Variants in ARHGEF1 observed in about 807,000 individuals in gnomAD.
ARHGEF1 encodes Rho guanine nucleotide exchange factor 1.
In ARHGEF1, 40 loss-of-function variants were observed where a neutral mutation model predicts 119.7. The ratio of observed to expected loss-of-function variants is 0.33; its 90% confidence interval spans 0.26 to 0.44. The LOEUF (loss-of-function observed/expected upper bound fraction) is 0.44, where lower values mean the gene tolerates loss of function less well. Ranked by LOEUF, ARHGEF1 falls within the 20% of genes least tolerant of loss-of-function variation. The probability of loss-of-function intolerance (pLI) is 1.00; values close to 1 mark genes in which losing one functional copy is unlikely to be tolerated. For synonymous variants in ARHGEF1, 494 were observed against 521.0 expected (o/e 0.95, Z 0.71); for missense variants, 976 against 1,268.3 (o/e 0.77, Z 3.50).
Position 41,889,546 on chromosome 19 carries a change from A to G in ARHGEF1, c.225+681A>G, listed in dbSNP as rs1178815030. The G allele has an allele frequency of 1.3e-5, 2 of 152,312 alleles. No individual in the cohort carries two copies. Among genetic ancestry groups the G allele is most frequent in the African/African-American group, 4.8e-5 (2 of 41,450 alleles). 9.4% of individuals were successfully genotyped at this position (152,312 alleles called of 1,614,324 possible). ...CAGTGCTGGCTGGCAGGGGATCTGTAGACAAGGGTCTCATCCCAAGAAGAC... is the reference window on the plus strand; with the variant it reads ...CAGTGCTGGCTGGCAGGGGATCTGTGGACAAGGGTCTCATCCCAAGAAGAC... On this transcript the variant is annotated intron_variant, in intron 4 of 28. Transcript: ENST00000354532. The surrounding 1 kb of genome is among the most constrained non-coding windows in gnomAD (Gnocchi z 4.0).
At position 41,906,457 on chromosome 19, in the gene ARHGEF1, T is replaced by C. The variant is rs1202819864; in HGVS notation, c.2492T>C (p.Val831Ala). Reference sequence around the variant, plus strand: ...TCCACCCCTCCTTGCCCCTGGCCAGTGCTGTCCCTGAAGCAGCTTCTGTTT... The same window carrying C: ...TCCACCCCTCCTTGCCCCTGGCCAGCGCTGTCCCTGAAGCAGCTTCTGTTT... ...GQLAATALRK[V>A]LSLKQLLFPA... The change falls in exon 27 of 29, where the codon GTG (valine) becomes GCG (alanine). Residue 831 changes from valine (V) to alanine (A), a missense_variant and splice_region_variant. Val to Ala is a moderately conservative substitution (Grantham distance 64). This residue lies in a region of ARHGEF1 where 171 missense variants were observed against 180.6 expected (regional missense o/e 0.95). Transcript: ENST00000354532. This position sits in a 1 kb window ranked among gnomAD's most constrained non-coding sequence, Gnocchi z 4.5. 5 of 1,567,054 alleles carry C rather than the reference T, an allele frequency of 3.2e-6. No homozygotes were observed. In the African/African-American group the frequency reaches 6.9e-5, roughly 22 times the overall value.
At chr19:41,910,696 G>A (rs560577242), downstream of ARHGEF1, among the ~76,000 whole-genome samples, 40 of 152,170 alleles carry the variant, frequency 2.6e-4, no homozygotes, top group Middle Eastern at 3.4e-3. This position sits in a 1 kb window ranked among gnomAD's most constrained non-coding sequence, Gnocchi z 4.4. Flanking sequence ...GCCCATGTCC[G>A]TCCAAGAGCA....
downstream of ARHGEF1, chr19:41,908,575 G>A: frequency 8.1e-7 from 1 of 1,231,808 alleles, no homozygotes; most frequent in Non-Finnish European, 1.0e-6. The surrounding 1 kb of genome is among the most constrained non-coding windows in gnomAD (Gnocchi z 6.7). Flanking sequence ...GGCAGCTTGG[G>A]GAAGGGGCCC....
At chr19:41,921,365 G>A (rs2074841431), upstream of ARHGEF1, among the ~76,000 whole-genome samples, 1 of 151,930 alleles carries the variant, frequency 6.6e-6, no homozygotes, top group Non-Finnish European at 1.5e-5. The surrounding 1 kb of genome is among the most constrained non-coding windows in gnomAD (Gnocchi z 4.4). Flanking sequence ...GGAGATGGAG[G>A]GGGATAGGCG....
At chr19:41,919,509 G>A (rs1159550047), upstream of ARHGEF1, among the ~76,000 whole-genome samples, 11 of 131,528 alleles carry the variant, frequency 8.4e-5, no homozygotes, top group South Asian at 9.2e-4. Context: ...GCACGTGCAC[G>A]CGTACACACA....
At chr19:41,884,236 A>C (rs1161080232) in intron 1 of ARHGEF1, 9 of 614,198 alleles carry the variant, frequency 1.5e-5, no homozygotes, top group Non-Finnish European at 2.3e-5. Context: ...TGGCCCTCCA[A>C]GACAGGCCAG....
chr19:41,910,281 G>A (rs2074744624), downstream of ARHGEF1, among the ~76,000 whole-genome samples: 1 of 152,050 alleles, frequency 6.6e-6, no homozygotes, highest in Admixed American at 6.6e-5. The surrounding 1 kb of genome is among the most constrained non-coding windows in gnomAD (Gnocchi z 4.4). Context: ...CCCAAATAAG[G>A]GCAAGAACCC....
At chr19:41,920,329 ACACTCAGACGTGATG>A (rs1390077310), upstream of ARHGEF1, among the ~76,000 whole-genome samples, 3 of 144,578 alleles carry the variant, frequency 2.1e-5, no homozygotes, top group Non-Finnish European at 3.0e-5. Context: ...CAGACGTGAC[ACACTCAGACGTGATG>A]CACTCAGACG....
rs1408679391 is a variant in ARHGEF1, at chr19:41,907,330, G to C, written c.*243G>C. ...GCTCCATTCTGGAGGGCACCACGGT[G>C]ACCCGGGCCATCTCAGTATTGCCTG... is the stretch of plus-strand genomic sequence containing the variant. On this transcript the variant is annotated 3_prime_UTR_variant, in exon 29 of 29. Coordinates refer to ENST00000354532, the MANE Select transcript of ARHGEF1 (RefSeq NM_004706.4). 4.6e-6 allele frequency: 7 copies of C among 1,534,320 alleles called. No individual in the cohort carries two copies. Among genetic ancestry groups the C allele is most frequent in the African/African-American group, 1.4e-5 (1 of 72,804 alleles).
chr19:41,925,396 T>C (rs77356507), intron 1 of ARHGEF1, among the ~76,000 whole-genome samples: 1,683 of 152,172 alleles, frequency 0.011, 20 homozygotes, highest in Non-Finnish European at 0.017. Context: ...GTGACGCAGA[T>C]ACCTGTGGCC....
intron 18 of ARHGEF1, among the ~76,000 whole-genome samples, chr19:41,914,911 TC>T (rs200631098): frequency 1.2e-4 from 11 of 90,166 alleles, no homozygotes; most frequent in African/African-American, 8.2e-4. Context: ...TGTCTCTCCC[TC>T]CCCCTCCACC....
intron 18 of ARHGEF1, among the ~76,000 whole-genome samples, chr19:41,915,944 C>G (rs545199217): frequency 4.9e-4 from 74 of 152,250 alleles, no homozygotes; most frequent in African/African-American, 1.1e-3. Context: ...CCCCCTCCCC[C>G]CCGCCGGCCG....
At position 41,902,303 on chromosome 19, in the gene ARHGEF1, A is replaced by G. The variant is rs1316468906; in HGVS notation, c.1444A>G (p.Arg482Gly). ...GTTCCTCGATCGCCTGATGAAGCGG[A>G]GGCAGGAGAGTGGCTACCTCATCGA... ...SLFLDRLMKR[R>G]QESGYLIEEI... The change falls in exon 16 of 29, where the codon AGG becomes GGG. Residue 482 changes from arginine (R) to glycine (G), a missense_variant. By Grantham distance (125) the Arg-to-Gly change is moderately radical (BLOSUM62 -2). This residue lies in a region of ARHGEF1 where 286 missense variants were observed against 506.8 expected (regional missense o/e 0.56). Transcript: ENST00000354532. The surrounding 1 kb of genome is among the most constrained non-coding windows in gnomAD (Gnocchi z 6.5). The G allele has an allele frequency of 6.2e-7, 1 of 1,613,950 alleles. No homozygotes were observed. The highest frequency in any genetic ancestry group is 8.5e-7 in the Non-Finnish European group (1 of 1,180,024).
Position 41,914,872 on chromosome 19 carries a change from CTCTCCCTCCCCTCCATCATCTCT to C in ARHGEF1, c.1865+8070_1865+8092del, listed in dbSNP as rs1555851749. Among the ~76,000 whole-genome samples the C allele has an allele frequency of 7.4e-5, 4 of 54,024 alleles. 1 individual carries two copies. Among genetic ancestry groups the C allele is most frequent in the South Asian group, 1.1e-3 (1 of 938 alleles). 35.4% of individuals were successfully genotyped at this position (54,024 alleles called of 152,430 possible). A position where few individuals can be genotyped will look rare whatever the true frequency, so the allele number is the denominator to read the frequency against. The stretch of plus-strand genomic sequence containing the variant: ...CTCTCCCCCCCTCCACCATCTCTGT[CTCTCCCTCCCCTCCATCATCTCT>C]GTCTCTGTCTCTCCCTCCCCCTCCA... On this transcript the variant is annotated intron_variant, in intron 18 of 20. Transcript: ENST00000599589.
At chr19:41,908,412 GCCAGGCCCGAGGGGCGCTCGGGGC>G, downstream of ARHGEF1, 1 of 1,231,240 alleles carries the variant, frequency 8.1e-7, no homozygotes, top group Non-Finnish European at 1.0e-6. The surrounding 1 kb of genome is among the most constrained non-coding windows in gnomAD (Gnocchi z 6.7). Flanking sequence ...AGGGGCCGCT[GCCAGGCCCGAGGGGCGCTCGGGGC>G]CCAGGCCCTC....
downstream of ARHGEF1, among the ~76,000 whole-genome samples, chr19:41,910,486 T>C (rs2074745635): frequency 6.6e-6 from 1 of 152,110 alleles, no homozygotes; most frequent in South Asian, 2.1e-4. The surrounding 1 kb of genome is among the most constrained non-coding windows in gnomAD (Gnocchi z 4.4). Context: ...AGGAGGTCTC[T>C]AGTCTCTTGT....
chr19:41,895,753 A>T (rs1017567348), intron 12 of ARHGEF1, among the ~76,000 whole-genome samples: 14 of 151,830 alleles, frequency 9.2e-5, no homozygotes, highest in African/African-American at 1.2e-4. Context: ...TTTTCCATCA[A>T]CCCTTCCTTT....
chr19:41,909,272 T>C, downstream of ARHGEF1: 1 of 1,232,098 alleles, frequency 8.1e-7, no homozygotes, highest in Non-Finnish European at 1.0e-6. This position sits in a 1 kb window ranked among gnomAD's most constrained non-coding sequence, Gnocchi z 5.2. Flanking sequence ...GTACCCAGAC[T>C]CACCTCAGGG....
At chr19:41,897,864 C>T (rs1216186182) in intron 13 of ARHGEF1, 52 of 1,260,674 alleles carry the variant, frequency 4.1e-5, no homozygotes, top group Admixed American at 1.1e-4. Context: ...CCTGGTTTCT[C>T]TTCGTCTCTG....
Sources: gnomAD v4.1 joint callset for allele counts (sites outside exome capture counted in the v4.1 genomes callset) on GRCh38, gnomAD v4.1.1 for gene constraint, gnomAD v4.1.1 regional missense constraint, Gnocchi (gnomAD v3.1) non-coding constraint, MANE v1.5 for transcripts, NCBI Gene and HGNC (gene_info 2026-07-23, HGNC 2026-07-21) for gene names.